The following DIP2C variants were observed in gnomAD, a reference collection of about 807,000 sequenced individuals.
The protein encoded by DIP2C is disco-interacting protein 2 homolog C.
In DIP2C, 33 loss-of-function variants were observed where a neutral mutation model predicts 192.4. The observed-to-expected ratio is 0.17, with a 90% confidence interval of 0.13 to 0.23. The LOEUF (loss-of-function observed/expected upper bound fraction) is 0.23, where lower values mean the gene tolerates loss of function less well. Among genes scored for constraint, DIP2C ranks in the 10% least tolerant of loss-of-function variants. The probability of loss-of-function intolerance (pLI) is 1.00; values close to 1 mark genes in which losing one functional copy is unlikely to be tolerated. For missense variants in DIP2C, 1,537 were observed against 2,110.1 expected, an observed-to-expected ratio of 0.73 and a Z score of 5.32; for synonymous variants, 979 against 864.1, an observed-to-expected ratio of 1.13 and a Z score of -2.33.
At chr10:285,214 G>A (rs1564505392) in intron 34 of DIP2C, among the ~76,000 whole-genome samples, 1 of 152,194 alleles carries the variant, frequency 6.6e-6, no homozygotes, top group South Asian at 2.1e-4. Flanking sequence ...GTGAGAACTG[G>A]GGAGGGCTTG....
At chr10:687,480 A>C (rs1171151171) in intron 1 of DIP2C, among the ~76,000 whole-genome samples, 2 of 152,192 alleles carry the variant, frequency 1.3e-5, no homozygotes, top group African/African-American at 4.8e-5. Flanking sequence ...TTTCTTCTTA[A>C]ATGTGTAGCT....
chr10:618,528 A>G (rs1853621559), intron 1 of DIP2C, among the ~76,000 whole-genome samples: 1 of 152,186 alleles, frequency 6.6e-6, no homozygotes, highest in Non-Finnish European at 1.5e-5. Context: ...AAAATACCAC[A>G]CAGCGTCCAC....
intron 1 of DIP2C, among the ~76,000 whole-genome samples, chr10:549,071 G>A (rs1297451630): frequency 1.3e-5 from 2 of 152,208 alleles, no homozygotes; most frequent in African/African-American, 2.4e-5. Flanking sequence ...AGGCAAAACC[G>A]ATCCACTTTA....
chr10:350,934 T>C (rs912029284), intron 24 of DIP2C, among the ~76,000 whole-genome samples: 2 of 152,210 alleles, frequency 1.3e-5, no homozygotes, highest in Admixed American at 6.5e-5. Flanking sequence ...GTGTGAGCCA[T>C]CATGCCCAGC....
At chr10:579,099 C>T (rs371616774) in intron 1 of DIP2C, among the ~76,000 whole-genome samples, 2 of 152,092 alleles carry the variant, frequency 1.3e-5, no homozygotes, top group African/African-American at 2.4e-5. Flanking sequence ...CATGCAGATC[C>T]ATGTAGTGTA....
chr10:379,784 C>A (rs1250841883), intron 17 of DIP2C, among the ~76,000 whole-genome samples: 1 of 152,274 alleles, frequency 6.6e-6, no homozygotes, highest in Admixed American at 6.5e-5. Flanking sequence ...CCAGCTGCAA[C>A]TCAGCACCTG....
At chr10:648,788 T>G (rs1212604410) in intron 1 of DIP2C, among the ~76,000 whole-genome samples, 40 of 130,384 alleles carry the variant, frequency 3.1e-4, no homozygotes, top group Middle Eastern at 5.4e-3. Flanking sequence ...CGTCCACATT[T>G]GACGGTGGGA....
At chr10:535,433 C>G (rs1399393289) in intron 1 of DIP2C, among the ~76,000 whole-genome samples, 2 of 152,054 alleles carry the variant, frequency 1.3e-5, no homozygotes. Flanking sequence ...CTAGTACTCC[C>G]CACAGAACAG....
chr10:605,422 A>G (rs1203815157), intron 1 of DIP2C, among the ~76,000 whole-genome samples: 1 of 152,202 alleles, frequency 6.6e-6, no homozygotes, highest in African/African-American at 2.4e-5. Context: ...AAGCTAATAA[A>G]ATTCCTTACA....
At chr10:281,429 T>C in intron 35 of DIP2C, 106 bp from the exon 36 acceptor site, 1 of 1,445,414 alleles carries the variant, frequency 6.9e-7, no homozygotes, top group African/African-American at 1.4e-5. Flanking sequence ...GAGACAGGGA[T>C]GCAAAGGAAG....
intron 3 of DIP2C, among the ~76,000 whole-genome samples, chr10:458,181 C>A (rs1366869319): frequency 6.6e-6 from 1 of 152,238 alleles, no homozygotes; most frequent in Non-Finnish European, 1.5e-5. Context: ...AGTGGCTACA[C>A]AGTCCTACTT....
chr10:432,571 T>G (rs772362193), intron 4 of DIP2C, among the ~76,000 whole-genome samples: 4 of 152,332 alleles, frequency 2.6e-5, no homozygotes, highest in Non-Finnish European at 4.4e-5. Context: ...CTGTATTTCT[T>G]TTTCTTGTTA....
intron 1 of DIP2C, among the ~76,000 whole-genome samples, chr10:526,807 C>A (rs1424070986): frequency 2.6e-5 from 4 of 152,208 alleles, no homozygotes; most frequent in African/African-American, 9.6e-5. Flanking sequence ...CTCCGTCCCG[C>A]CAGCACCATC....
intron 33 of DIP2C, among the ~76,000 whole-genome samples, chr10:287,692 CTTTA>C (rs1000239475): frequency 8.4e-4 from 121 of 144,234 alleles, no homozygotes; most frequent in South Asian, 5.7e-3. Context: ...AAAAAAGAGT[CTTTA>C]TTTAGGTGTT....
intron 1 of DIP2C, among the ~76,000 whole-genome samples, chr10:573,105 G>GT (rs1210146665): frequency 6.6e-6 from 1 of 152,156 alleles, no homozygotes. Context: ...ATTTTAGCAT[G>GT]TAAGTGAATT....
At chr10:301,557 G>C (rs1328240496) in intron 32 of DIP2C, among the ~76,000 whole-genome samples, 1 of 152,212 alleles carries the variant, frequency 6.6e-6, no homozygotes, top group Non-Finnish European at 1.5e-5. Flanking sequence ...AGAAATTAGA[G>C]AATGGGATGT....
chr10:422,809 G>T lies in DIP2C; in HGVS notation c.604+15C>A. 6.2e-7 allele frequency: 1 copy of T among 1,606,996 alleles called. No individual in the cohort carries two copies. ...TACACAACAGGCACAGAAAGACACCGTGAAGCGTGCTCACCTATGTGGGTC... is the reference window on the plus strand; with the variant it reads ...TACACAACAGGCACAGAAAGACACCTTGAAGCGTGCTCACCTATGTGGGTC... On this transcript the variant is annotated intron_variant, in intron 5 of 36. Transcript: ENST00000280886.
At chr10:516,004 C>T (rs1204311455) in intron 1 of DIP2C, among the ~76,000 whole-genome samples, 1 of 151,690 alleles carries the variant, frequency 6.6e-6, no homozygotes, top group African/African-American at 2.4e-5. Context: ...AACCAGATTC[C>T]TTGCTTTCGG....
At chr10:306,227 A>G (rs1184271415) in intron 32 of DIP2C, among the ~76,000 whole-genome samples, 1 of 151,926 alleles carries the variant, frequency 6.6e-6, no homozygotes, top group Non-Finnish European at 1.5e-5. Flanking sequence ...TCACTCTATG[A>G]TGCAGAAATG....
Sources: gnomAD v4.1 joint callset for allele counts (sites outside exome capture counted in the v4.1 genomes callset) on GRCh38, gnomAD v4.1.1 for gene constraint, MANE v1.5 for transcripts, NCBI Gene and HGNC (gene_info 2026-07-23, HGNC 2026-07-21) for gene names.